The following JAZF1 variants were observed in gnomAD, a reference collection of about 807,000 sequenced individuals.
The protein encoded by JAZF1 is juxtaposed with another zinc finger protein 1.
A neutral mutation model predicts 26.4 loss-of-function variants in JAZF1; 8 were observed. That is an observed-to-expected ratio of 0.30 (90% CI 0.18 to 0.55). JAZF1 has a LOEUF of 0.55. JAZF1 is among the 20% of genes least tolerant of loss of function. The pLI, the probability that JAZF1 is intolerant of heterozygous loss-of-function variation, is 0.94. For synonymous variants in JAZF1, 126 were observed against 122.3 expected (o/e 1.03, Z -0.20); for missense variants, 199 against 322.0 (o/e 0.62, Z 2.92).
At chr7:27,903,073 C>G (rs976254923) in intron 2 of JAZF1, among the ~76,000 whole-genome samples, 1 of 148,694 alleles carries the variant, frequency 6.7e-6, no homozygotes, top group Non-Finnish European at 1.5e-5. Context: ...AATCTTAACT[C>G]GCAAACCTTT....
intron 1 of JAZF1, among the ~76,000 whole-genome samples, chr7:28,112,929 C>G (rs950401529): frequency 1.3e-5 from 2 of 152,184 alleles, no homozygotes; most frequent in Admixed American, 1.3e-4. Flanking sequence ...TGACGAGGAT[C>G]TCAACCCCAG....
intron 3 of JAZF1, among the ~76,000 whole-genome samples, chr7:27,879,256 T>C (rs35795918): frequency 0.026 from 4,031 of 152,282 alleles, 164 homozygotes; most frequent in African/African-American, 0.091. Context: ...CATCCTCTCT[T>C]TTCTGAGAGT....
chr7:28,012,077 C>T (rs1782808887), intron 1 of JAZF1, among the ~76,000 whole-genome samples: 1 of 152,152 alleles, frequency 6.6e-6, no homozygotes, highest in East Asian at 1.9e-4. Flanking sequence ...ATAATGTTCA[C>T]CATCCACATC....
At chr7:28,153,207 T>G (rs958502826) in intron 1 of JAZF1, among the ~76,000 whole-genome samples, 5 of 152,140 alleles carry the variant, frequency 3.3e-5, no homozygotes, top group African/African-American at 1.2e-4. Flanking sequence ...AGCATACAGT[T>G]CTTAACACTG....
At chr7:27,925,247 T>C (rs1402039864) in intron 2 of JAZF1, among the ~76,000 whole-genome samples, 1 of 152,112 alleles carries the variant, frequency 6.6e-6, no homozygotes, top group Non-Finnish European at 1.5e-5. Flanking sequence ...AGCAAAAACT[T>C]ACCCAAAACA....
chr7:28,119,397 C>T (rs1164108733), intron 1 of JAZF1, among the ~76,000 whole-genome samples: 2 of 152,126 alleles, frequency 1.3e-5, no homozygotes, highest in East Asian at 1.9e-4. Context: ...CATTTTCCAA[C>T]TTATCTGGAC....
At chr7:27,869,596 T>C (rs1174379940) in intron 3 of JAZF1, among the ~76,000 whole-genome samples, 1 of 152,118 alleles carries the variant, frequency 6.6e-6, no homozygotes, top group African/African-American at 2.4e-5. Context: ...GGTGATCCCA[T>C]GCAGGAACCA....
chr7:28,017,562 G>A (rs1158038079), intron 1 of JAZF1, among the ~76,000 whole-genome samples: 1 of 152,146 alleles, frequency 6.6e-6, no homozygotes, highest in Admixed American at 6.5e-5. Flanking sequence ...GGGTGCAAAG[G>A]GAAGTCAGGA....
At chr7:28,030,137 G>A (rs916803987) in intron 1 of JAZF1, among the ~76,000 whole-genome samples, 2 of 152,190 alleles carry the variant, frequency 1.3e-5, no homozygotes, top group Non-Finnish European at 2.9e-5. Context: ...AGCCCTGTAG[G>A]GGCTGGCGCA....
At chr7:28,054,580 G>C (rs1783667950) in intron 1 of JAZF1, among the ~76,000 whole-genome samples, 2 of 151,938 alleles carry the variant, frequency 1.3e-5, no homozygotes, top group Non-Finnish European at 2.9e-5. Context: ...AGTCTGTTTG[G>C]GTATGTTCTG....
intron 3 of JAZF1, among the ~76,000 whole-genome samples, chr7:27,852,027 G>A (rs1333458841): frequency 1.3e-5 from 2 of 151,732 alleles, no homozygotes; most frequent in African/African-American, 4.9e-5. Context: ...ACTGATGCTT[G>A]GTCAGTATGC....
chr7:27,915,626 T>C (rs904334514), intron 2 of JAZF1, among the ~76,000 whole-genome samples: 2 of 152,226 alleles, frequency 1.3e-5, no homozygotes, highest in Admixed American at 6.5e-5. Flanking sequence ...CTGATGTTCT[T>C]CAACTACAAC....
chr7:28,120,501 C>CTTTTTTTTTTTTTTTTTTTTTTTTTT lies in JAZF1; in HGVS notation c.115+59961_115+59962insAAAAAAAAAAAAAAAAAAAAAAAAAA, dbSNP rs58448766. Among the ~76,000 whole-genome samples, 23 of 59,014 alleles carry CTTTTTTTTTTTTTTTTTTTTTTTTTT rather than the reference C, an allele frequency of 3.9e-4. 7 individuals carry two copies. The East Asian group carries it at 4.4e-3, about 11-fold the overall frequency. 38.7% of individuals were successfully genotyped at this position (59,014 alleles called of 152,430 possible). ...TCTGAACCACTAGCCACACACAGTT[C>CTTTTTTTTTTTTTTTTTTTTTTTTTT]TTTTTTTTTTTTTTTTTTTTTTTTT... On this transcript the variant is annotated intron_variant, in intron 1 of 4. Transcript: ENST00000283928.
At chr7:28,101,357 T>C (rs926649531) in intron 1 of JAZF1, among the ~76,000 whole-genome samples, 21 of 152,080 alleles carry the variant, frequency 1.4e-4, no homozygotes, top group Non-Finnish European at 2.5e-4. Flanking sequence ...ACGTATATTA[T>C]GTTATATATT....
At chr7:28,061,918 T>G (rs1161559054) in intron 1 of JAZF1, among the ~76,000 whole-genome samples, 5 of 152,238 alleles carry the variant, frequency 3.3e-5, no homozygotes, top group South Asian at 4.1e-4. Flanking sequence ...TTTTTATATT[T>G]AGGTTTGATG....
intron 2 of JAZF1, among the ~76,000 whole-genome samples, chr7:27,968,706 G>A (rs764919495): frequency 3.3e-5 from 5 of 152,078 alleles, no homozygotes; most frequent in Non-Finnish European, 7.4e-5. Flanking sequence ...AAATATTCCC[G>A]CTGTCTAGCA....
At chr7:27,997,451 G>C (rs1178787735) in intron 1 of JAZF1, among the ~76,000 whole-genome samples, 1 of 152,182 alleles carries the variant, frequency 6.6e-6, no homozygotes, top group Non-Finnish European at 1.5e-5. Flanking sequence ...AGAAAAGACT[G>C]CCAATGCCAA....
intron 1 of JAZF1, among the ~76,000 whole-genome samples, chr7:28,038,859 A>G (rs1214982281): frequency 6.6e-6 from 1 of 152,188 alleles, no homozygotes; most frequent in Non-Finnish European, 1.5e-5. Context: ...TTCACTGTCC[A>G]TGCTTGGTAT....
chr7:28,044,408 A>G (rs959913657), intron 1 of JAZF1, among the ~76,000 whole-genome samples: 11 of 152,276 alleles, frequency 7.2e-5, no homozygotes, highest in Admixed American at 6.5e-4. Context: ...CATCTGACAG[A>G]TAATTTGCTG....
Sources: allele counts gnomAD v4.1 joint callset (sites outside exome capture counted in the v4.1 genomes callset), GRCh38; gene constraint gnomAD v4.1.1; transcripts MANE v1.5; gene names NCBI Gene and HGNC (gene_info 2026-07-23, HGNC 2026-07-21).